GRID2: variants seen among roughly 807,000 people sequenced by gnomAD.
The protein encoded by GRID2 is glutamate receptor ionotropic, delta-2.
Under a neutral mutation model 114.8 loss-of-function variants are expected in GRID2, and 33 were observed. The ratio of observed to expected loss-of-function variants is 0.29; its 90% confidence interval spans 0.22 to 0.38. GRID2 has a LOEUF of 0.38. GRID2 is among the 10% of genes least tolerant of loss of function. The pLI, the probability that GRID2 is intolerant of heterozygous loss-of-function variation, is 1.00. For synonymous variants in GRID2, 505 were observed against 449.9 expected (o/e 1.12, Z -1.55); for missense variants, 1,184 against 1,257.7 (o/e 0.94, Z 0.89).
chr4:93,027,516 A>G (rs1423603936), intron 2 of GRID2, among the ~76,000 whole-genome samples: 1 of 152,136 alleles, frequency 6.6e-6, no homozygotes, highest in Non-Finnish European at 1.5e-5. Context: ...TCCACAGACA[A>G]GTTTTATTAA....
In GRID2 at chr4:93,473,557, A is replaced by C. The variant is rs149138956; in HGVS notation, c.1859-17082A>C. On this transcript the variant is annotated intron_variant, in intron 11 of 15. Coordinates refer to ENST00000282020, the MANE Select transcript of GRID2 (RefSeq NM_001510.4). ...AAAACATGACAACTCTGCACACCTTAAAAATTACCTAAATCATTTGGACAA... is the reference window on the plus strand; with the variant it reads ...AAAACATGACAACTCTGCACACCTTCAAAATTACCTAAATCATTTGGACAA... Among the ~76,000 whole-genome samples, 52 of 152,274 alleles carry C rather than the reference A, an allele frequency of 3.4e-4. No individual in the cohort carries two copies. The East Asian group carries it at 9.7e-3, about 28-fold the overall frequency.
intron 2 of GRID2, among the ~76,000 whole-genome samples, chr4:92,969,799 C>G (rs1162197393): frequency 1.3e-5 from 2 of 151,662 alleles, no homozygotes; most frequent in African/African-American, 2.4e-5. Context: ...CAATAGAAAC[C>G]CTTGTTTCCC....
At chr4:92,319,175 G>C (rs951527283) in intron 1 of GRID2, among the ~76,000 whole-genome samples, 3 of 152,056 alleles carry the variant, frequency 2.0e-5, no homozygotes, top group African/African-American at 7.2e-5. Flanking sequence ...TTACTCCTAA[G>C]AAGTGAATTT....
intron 14 of GRID2, among the ~76,000 whole-genome samples, chr4:93,661,498 A>G (rs899222976): frequency 6.6e-6 from 1 of 152,196 alleles, no homozygotes; most frequent in Non-Finnish European, 1.5e-5. Flanking sequence ...TGTGTGTTCA[A>G]TAAGCTCATT....
chr4:93,293,268 C>G (rs1362563586), intron 8 of GRID2, among the ~76,000 whole-genome samples: 3 of 152,168 alleles, frequency 2.0e-5, no homozygotes, highest in African/African-American at 7.2e-5. Flanking sequence ...GTCACAGGAG[C>G]ATTTATGTGG....
chr4:93,383,319 C>T (rs1173295953), intron 8 of GRID2, among the ~76,000 whole-genome samples: 3 of 152,104 alleles, frequency 2.0e-5, no homozygotes, highest in Non-Finnish European at 4.4e-5. Flanking sequence ...TTCCTTTTGC[C>T]CATGCTGGCT....
At chr4:92,836,505 C>A (rs1343497055) in intron 2 of GRID2, among the ~76,000 whole-genome samples, 1 of 151,606 alleles carries the variant, frequency 6.6e-6, no homozygotes, top group Admixed American at 6.6e-5. Context: ...AAATAGCAGC[C>A]GCTTAATACA....
chr4:93,127,999 C>T (rs1734429189), intron 4 of GRID2, among the ~76,000 whole-genome samples: 2 of 117,050 alleles, frequency 1.7e-5, no homozygotes, highest in South Asian at 5.5e-4. Context: ...CCAGCTTGGG[C>T]AGCAGAGTAA....
At chr4:92,544,036 G>A (rs944464687) in intron 1 of GRID2, among the ~76,000 whole-genome samples, 1 of 152,062 alleles carries the variant, frequency 6.6e-6, no homozygotes, top group Non-Finnish European at 1.5e-5. Flanking sequence ...CCAAATACTA[G>A]TCATGACTTT....
intron 2 of GRID2, among the ~76,000 whole-genome samples, chr4:92,619,291 A>T (rs1730156141): frequency 6.6e-6 from 1 of 151,694 alleles, no homozygotes; most frequent in Non-Finnish European, 1.5e-5. Flanking sequence ...CTTATGTTGG[A>T]GAAGCAATAT....
intron 1 of GRID2, among the ~76,000 whole-genome samples, chr4:92,406,474 A>C (rs764000414): frequency 4.6e-5 from 7 of 152,130 alleles, no homozygotes; most frequent in Non-Finnish European, 1.0e-4. Context: ...AAATGAGGAC[A>C]TTGTGTGCAA....
At chr4:93,701,842 T>G (rs1727538579) in intron 14 of GRID2, among the ~76,000 whole-genome samples, 1 of 151,988 alleles carries the variant, frequency 6.6e-6, no homozygotes, top group Non-Finnish European at 1.5e-5. Flanking sequence ...ATATATATTT[T>G]TTAACATACA....
intron 2 of GRID2, among the ~76,000 whole-genome samples, chr4:93,040,073 T>C (rs11734429): frequency 0.034 from 5,206 of 152,200 alleles, 113 homozygotes; most frequent in Non-Finnish European, 0.041. Flanking sequence ...TTCTATGTAG[T>C]TTAGATTTAG....
chr4:93,632,851 A>G (rs4077635), intron 14 of GRID2, among the ~76,000 whole-genome samples: 20,941 of 152,206 alleles, frequency 0.14, 1,769 homozygotes, highest in Non-Finnish European at 0.19. Flanking sequence ...ACCCATGAGC[A>G]TGGAATGTTC....
chr4:92,674,792 G>A (rs564261701), intron 2 of GRID2, among the ~76,000 whole-genome samples: 83 of 152,254 alleles, frequency 5.5e-4, no homozygotes, highest in Non-Finnish European at 1.0e-3. Context: ...AAGTCCAAAA[G>A]TGCTAGGATT....
intron 1 of GRID2, among the ~76,000 whole-genome samples, chr4:92,388,077 C>T (rs191435930): frequency 2.8e-3 from 427 of 152,072 alleles, no homozygotes; most frequent in Admixed American, 7.2e-3. Context: ...TTTACATTTC[C>T]TACCAGCACT....
intron 2 of GRID2, among the ~76,000 whole-genome samples, chr4:92,963,660 T>C (rs1336201300): frequency 1.3e-5 from 2 of 152,032 alleles, no homozygotes; most frequent in African/African-American, 4.8e-5. Flanking sequence ...TGGCATTAAA[T>C]TCTTTCAGAC....
intron 1 of GRID2, among the ~76,000 whole-genome samples, chr4:92,336,947 C>CGTT (rs201668085): frequency 6.1e-5 from 5 of 82,188 alleles, no homozygotes; most frequent in South Asian, 4.2e-4. Flanking sequence ...TCAGGTCTTT[C>CGTT]GTTGTTGTTT....
intron 10 of GRID2, among the ~76,000 whole-genome samples, chr4:93,433,939 C>A (rs924928914): frequency 2.0e-5 from 3 of 152,206 alleles, no homozygotes; most frequent in Admixed American, 6.5e-5. Context: ...CCCTTGTGTT[C>A]TTGATATTCA....
Sources: gnomAD v4.1 joint callset for allele counts (sites outside exome capture counted in the v4.1 genomes callset) on GRCh38, gnomAD v4.1.1 for gene constraint, MANE v1.5 for transcripts, NCBI Gene and HGNC (gene_info 2026-07-23, HGNC 2026-07-21) for gene names.